The following MEI4 variants were observed in gnomAD, a reference collection of about 807,000 sequenced individuals.
MEI4 encodes meiotic double-stranded break formation protein 4, also known as meiosis-specific protein MEI4.
In MEI4, 27 loss-of-function variants were observed where a neutral mutation model predicts 31.4. The ratio of observed to expected loss-of-function variants is 0.86; its 90% CI spans 0.63 to 1.19. The LOEUF (loss-of-function observed/expected upper bound fraction) is 1.19, where lower values mean the gene tolerates loss of function less well. Ranked by LOEUF, MEI4 falls within the 50% of genes most tolerant of loss-of-function variation. The pLI, the probability that MEI4 is intolerant of heterozygous loss-of-function variation, is 0.00. For synonymous variants in MEI4, 122 were observed against 145.4 expected (o/e 0.84, Z 1.16); for missense variants, 329 against 398.9 (o/e 0.82, Z 1.49).
At chr6:77,905,382 G>A (rs1212590997) in intron 4 of MEI4, among the ~76,000 whole-genome samples, 1 of 147,572 alleles carries the variant, frequency 6.8e-6, no homozygotes, top group Non-Finnish European at 1.5e-5. Context: ...AATATGTCTT[G>A]TACAGTTTTA....
intron 2 of MEI4, among the ~76,000 whole-genome samples, chr6:77,723,250 A>G (rs1217686224): frequency 2.1e-5 from 3 of 142,492 alleles, no homozygotes; most frequent in Non-Finnish European, 3.1e-5. Context: ...GACTGCTTGT[A>G]TAGTACATAA....
chr6:77,859,292 T>C (rs1770813131), intron 4 of MEI4, among the ~76,000 whole-genome samples: 2 of 152,178 alleles, frequency 1.3e-5, no homozygotes, highest in South Asian at 4.1e-4. Flanking sequence ...GTTGGTTCTA[T>C]ATCTTTGCTA....
chr6:77,792,987 C>T (rs1042969643), intron 3 of MEI4, among the ~76,000 whole-genome samples: 6 of 152,184 alleles, frequency 3.9e-5, no homozygotes, highest in Non-Finnish European at 8.8e-5. Flanking sequence ...GCTGGGATTA[C>T]AGGCGGGAGC....
intron 2 of MEI4, among the ~76,000 whole-genome samples, chr6:77,727,813 G>A (rs1766865270): frequency 6.6e-6 from 1 of 152,196 alleles, no homozygotes; most frequent in Non-Finnish European, 1.5e-5. Flanking sequence ...TTTAAAAAAT[G>A]TTCTGGTCAC....
At chr6:77,699,622 G>A (rs1317580948) in intron 2 of MEI4, among the ~76,000 whole-genome samples, 3 of 152,200 alleles carry the variant, frequency 2.0e-5, no homozygotes, top group South Asian at 4.1e-4. Context: ...TTGCTGGTGA[G>A]GAGCTGTGTT....
chr6:77,865,992 C>G (rs1372352895), intron 4 of MEI4, among the ~76,000 whole-genome samples: 1 of 152,152 alleles, frequency 6.6e-6, no homozygotes, highest in East Asian at 1.9e-4. Context: ...ATGATTATCT[C>G]AATAGATGCA....
At chr6:77,905,387 G>A (rs1267612410) in intron 4 of MEI4, among the ~76,000 whole-genome samples, 1 of 146,460 alleles carries the variant, frequency 6.8e-6, no homozygotes, top group Non-Finnish European at 1.5e-5. Context: ...GTCTTGTACA[G>A]TTTTATTTGG....
At chr6:77,666,534 T>G (rs1768636272) in intron 1 of MEI4, among the ~76,000 whole-genome samples, 1 of 152,134 alleles carries the variant, frequency 6.6e-6, no homozygotes, top group African/African-American at 2.4e-5. Flanking sequence ...TAATTTTGTC[T>G]CCTCAGCAAC....
intron 2 of MEI4, among the ~76,000 whole-genome samples, chr6:77,757,108 A>G (rs1356809634): frequency 6.6e-6 from 1 of 152,256 alleles, no homozygotes; most frequent in Non-Finnish European, 1.5e-5. Context: ...AGTTCTCTTA[A>G]TCAAGCTGAG....
At chr6:77,896,195 A>G (rs1425951786) in intron 4 of MEI4, among the ~76,000 whole-genome samples, 2 of 152,124 alleles carry the variant, frequency 1.3e-5, no homozygotes, top group African/African-American at 2.4e-5. Flanking sequence ...AGCTCTATCT[A>G]TTATGAATGC....
At chr6:77,754,654 A>G (rs574632312) in intron 2 of MEI4, among the ~76,000 whole-genome samples, 2 of 152,324 alleles carry the variant, frequency 1.3e-5, no homozygotes, top group Admixed American at 6.5e-5. Flanking sequence ...TCACTCTGCT[A>G]TAAAGAACTT....
intron 3 of MEI4, among the ~76,000 whole-genome samples, chr6:77,770,899 C>T (rs748562170): frequency 2.0e-5 from 3 of 151,996 alleles, no homozygotes; most frequent in Admixed American, 2.0e-4. Context: ...ATGCTGAAGA[C>T]ACCAAAAACA....
At chr6:77,877,228 A>G (rs890785240) in intron 4 of MEI4, among the ~76,000 whole-genome samples, 3 of 150,910 alleles carry the variant, frequency 2.0e-5, no homozygotes, top group Non-Finnish European at 2.9e-5. Flanking sequence ...AAGTGTCACT[A>G]GCTACCAACA....
intron 3 of MEI4, among the ~76,000 whole-genome samples, chr6:77,816,523 C>T (rs1769693543): frequency 1.3e-5 from 2 of 152,122 alleles, no homozygotes; most frequent in South Asian, 4.1e-4. Flanking sequence ...GCCACATTTT[C>T]TTAATCCAGT....
chr6:77,789,599 T>A (rs1352539240), intron 3 of MEI4, among the ~76,000 whole-genome samples: 4 of 152,122 alleles, frequency 2.6e-5, no homozygotes, highest in African/African-American at 7.2e-5. Flanking sequence ...GTGAAGGACA[T>A]GAACAGACAC....
Position 77,849,372 on chromosome 6 carries a change from C to G in MEI4, c.900+20310C>G, listed in dbSNP as rs530439904. On this transcript the variant is annotated intron_variant, in intron 4 of 4. Transcript: ENST00000684080. ...GAGTGAGAGTGGGACTGAAAGAAAG[C>G]ATTTCAGGTCAGCTGAAGGTAGTGA... 2.2e-3 allele frequency among the ~76,000 whole-genome samples: 337 copies of G among 152,210 alleles called. 3 individuals carry two copies. Among genetic ancestry groups the G allele is most frequent in the Non-Finnish European group, 4.0e-3 (274 of 68,006 alleles).
chr6:77,905,701 T>A (rs1230757944), intron 4 of MEI4, among the ~76,000 whole-genome samples: 2 of 151,634 alleles, frequency 1.3e-5, no homozygotes, highest in African/African-American at 4.8e-5. Flanking sequence ...TTTCACTGTG[T>A]TAGCCAGGAT....
intron 1 of MEI4, among the ~76,000 whole-genome samples, chr6:77,680,115 C>CA (rs1220251759): frequency 0.014 from 572 of 39,762 alleles, 84 homozygotes; most frequent in Middle Eastern, 0.043. Flanking sequence ...ACTAAAAATA[C>CA]AAAAAAAAAA....
chr6:77,729,492 A>T (rs1354489044), intron 2 of MEI4, among the ~76,000 whole-genome samples: 1 of 152,226 alleles, frequency 6.6e-6, no homozygotes, highest in Non-Finnish European at 1.5e-5. Context: ...TTTTCCAAAA[A>T]GTAAGTCAGT....
Sources: gnomAD v4.1 joint callset for allele counts (sites outside exome capture counted in the v4.1 genomes callset) on GRCh38, gnomAD v4.1.1 for gene constraint, MANE v1.5 for transcripts, NCBI Gene and HGNC (gene_info 2026-07-23, HGNC 2026-07-21) for gene names.